DOT1L: variants seen among roughly 807,000 people sequenced by gnomAD.
DOT1L encodes histone-lysine N-methyltransferase, H3 lysine-79 specific.
DOT1L carries 33 observed loss-of-function variants against 153.3 expected under a neutral mutation model. That is an observed-to-expected ratio of 0.22 (90% CI 0.16 to 0.29). DOT1L has a LOEUF of 0.29. DOT1L is among the 10% of genes least tolerant of loss of function. The pLI is 1.00. For synonymous variants in DOT1L, 1,135 were observed against 965.1 expected, an observed-to-expected ratio of 1.18 and a Z score of -3.26; for missense variants, 1,847 against 2,119.9, an observed-to-expected ratio of 0.87 and a Z score of 2.53.
chr19:2,173,588 C>A (rs1202079895), intron 1 of DOT1L, among the ~76,000 whole-genome samples: 1 of 152,232 alleles, frequency 6.6e-6, no homozygotes, highest in Non-Finnish European at 1.5e-5. Flanking sequence ...TGCAGACACT[C>A]ACTGGAGGCC....
At chr19:2,187,384 C>A (rs1205155234) in intron 3 of DOT1L, among the ~76,000 whole-genome samples, 1 of 152,242 alleles carries the variant, frequency 6.6e-6, no homozygotes, top group Non-Finnish European at 1.5e-5. Flanking sequence ...CGTCCTTCCT[C>A]TTCGCGTGGG....
intron 9 of DOT1L, among the ~76,000 whole-genome samples, chr19:2,205,096 G>A (rs1336011020): frequency 1.3e-5 from 2 of 151,762 alleles, no homozygotes; most frequent in Non-Finnish European, 2.9e-5. Flanking sequence ...TCAGCCTCCC[G>A]AGTAGCTGGG....
At chr19:2,195,715 CAG>C (rs1481667686) in intron 7 of DOT1L, among the ~76,000 whole-genome samples, 3 of 152,150 alleles carry the variant, frequency 2.0e-5, no homozygotes, top group Admixed American at 6.5e-5. Context: ...GACGATGGCA[CAG>C]GGGTTGCCAA....
chr19:2,227,271 G>A (rs763875708), intron 27 of DOT1L, 144 bp downstream of exon 27: 18 of 1,066,836 alleles, frequency 1.7e-5, no homozygotes, highest in South Asian at 2.6e-5. Context: ...ATCCGTGCAC[G>A]GTGGCGAACT....
intron 8 of DOT1L, among the ~76,000 whole-genome samples, chr19:2,202,141 A>G (rs561873363): frequency 2.0e-4 from 30 of 152,324 alleles, no homozygotes; most frequent in African/African-American, 7.0e-4. Flanking sequence ...GGGCAGCCCA[A>G]GGAGCCTCGT....
chr19:2,194,666 G>GGCACATGGCTGTTC, intron 7 of DOT1L, 89 bp downstream of exon 7: 1 of 1,345,304 alleles, frequency 7.4e-7, no homozygotes, highest in Non-Finnish European at 1.0e-6. Flanking sequence ...TGCCGATGTT[G>GGCACATGGCTGTTC]GCACATGGCT....
intron 2 of DOT1L, among the ~76,000 whole-genome samples, chr19:2,181,498 C>G (rs945486809): frequency 6.6e-6 from 1 of 152,242 alleles, no homozygotes; most frequent in African/African-American, 2.4e-5. Context: ...TCCTGAGGCC[C>G]TGTAGTTCAG....
At position 2,184,864 on chromosome 19, in the gene DOT1L, C is replaced by T. The variant is rs80059060; in HGVS notation, c.126-991C>T. On this transcript the variant is annotated intron_variant, in intron 2 of 27. Coordinates refer to ENST00000398665, the MANE Select transcript of DOT1L (RefSeq NM_032482.3). Reference sequence around the variant, plus strand: ...TGTGTGTGGTTGTGAGGTGCCGCTGCGGTTTCCTCACGTTTTTAAGGGATA... The same window carrying T: ...TGTGTGTGGTTGTGAGGTGCCGCTGTGGTTTCCTCACGTTTTTAAGGGATA... Among the ~76,000 whole-genome samples, 23 of 152,278 alleles carry T rather than the reference C, an allele frequency of 1.5e-4. No homozygotes were observed. In the East Asian group the frequency reaches 3.1e-3, roughly 20 times the overall value.
chr19:2,170,645 G>C lies in DOT1L; in HGVS notation c.81+6380G>C, dbSNP rs545094089. On this transcript the variant is annotated intron_variant, in intron 1 of 27. Coordinates refer to ENST00000398665, the MANE Select transcript of DOT1L (RefSeq NM_032482.3). ...TTTCCATGCCAGTTAGAGGCCTCACGTTGTGACCTGTGCTTCTGAGTGACC... is the reference window on the plus strand; with the variant it reads ...TTTCCATGCCAGTTAGAGGCCTCACCTTGTGACCTGTGCTTCTGAGTGACC... 3.3e-5 allele frequency among the ~76,000 whole-genome samples: 5 copies of C among 152,302 alleles called. No homozygotes were observed. In the Middle Eastern group the frequency reaches 0.017, roughly 518 times the overall value.
At chr19:2,213,253 C>T (rs1599597924) in intron 16 of DOT1L, 1 of 359,692 alleles carries the variant, frequency 2.8e-6, no homozygotes, top group Middle Eastern at 8.1e-4. Flanking sequence ...TTGGCATTGG[C>T]CGGCCTCTGC....
chr19:2,170,347 C>G (rs760615974), intron 1 of DOT1L, among the ~76,000 whole-genome samples: 15 of 152,110 alleles, frequency 9.9e-5, no homozygotes, highest in Non-Finnish European at 1.9e-4. Context: ...TCTCTCTGGA[C>G]CTGATGCATT....
At position 2,211,855 on chromosome 19, in the gene DOT1L, C is replaced by T. The variant is rs761550015; in HGVS notation, c.1557+13C>T. On this transcript the variant is annotated intron_variant, in intron 16 of 27. Coordinates refer to ENST00000398665, the MANE Select transcript of DOT1L (RefSeq NM_032482.3). ...GGGCCAGGAGAAGGTGGGTCCTGGC[C>T]CCCTTGGCATTCCGCCTTCCCGCAC... The T allele has an allele frequency of 2.6e-6, 4 of 1,554,540 alleles. 1 individual carries two copies. Among genetic ancestry groups the T allele is most frequent in the Middle Eastern group, 3.3e-4 (2 of 5,988 alleles).
At chr19:2,165,199 T>C (rs1315624705) in intron 1 of DOT1L, among the ~76,000 whole-genome samples, 1 of 152,114 alleles carries the variant, frequency 6.6e-6, no homozygotes, top group African/African-American at 2.4e-5. Flanking sequence ...AAGCAGGCGC[T>C]GTCAGCGAGC....
At chr19:2,198,423 G>T (rs1179272755) in intron 7 of DOT1L, among the ~76,000 whole-genome samples, 1 of 151,886 alleles carries the variant, frequency 6.6e-6, no homozygotes, top group Non-Finnish European at 1.5e-5. Context: ...AGCTGCTCCT[G>T]GCCGGGGCGG....
At chr19:2,187,148 C>T (rs2022549903) in intron 3 of DOT1L, among the ~76,000 whole-genome samples, 1 of 152,214 alleles carries the variant, frequency 6.6e-6, no homozygotes, top group African/African-American at 2.4e-5. Flanking sequence ...CAAGTCGCTT[C>T]CTTACAACAG....
In DOT1L at chr19:2,226,992, T is replaced by G. The variant is rs1055794648; in HGVS notation, c.4471T>G (p.Ser1491Ala). Residue 1491 changes from serine to alanine, a missense_variant, in exon 27 of 28, where the codon TCC becomes GCC. Transcript: ENST00000398665. ...LQANLGSVAGSSVLQSLFSSV... is the reference protein window; with the variant it reads ...LQANLGSVAGASVLQSLFSSV... Reference sequence around the variant, plus strand: ...GGCCAACCTCGGCTCCGTGGCCGGCTCCTCCGTGCTGCAGTCGCTGTTCAG... The same window carrying G: ...GGCCAACCTCGGCTCCGTGGCCGGCGCCTCCGTGCTGCAGTCGCTGTTCAG... 3 of 1,591,338 alleles carry G rather than the reference T, an allele frequency of 1.9e-6. No individual in the cohort carries two copies. The highest frequency in any genetic ancestry group is 3.4e-5 in the Admixed American group (2 of 59,432).
At chr19:2,169,487 G>A (rs953913547) in intron 1 of DOT1L, among the ~76,000 whole-genome samples, 1 of 152,146 alleles carries the variant, frequency 6.6e-6, no homozygotes, top group Non-Finnish European at 1.5e-5. Context: ...GGACACTCCA[G>A]CCTAGCCTCT....
rs145029804 is a variant in DOT1L at position 2,198,742 on chromosome 19, T to A, written c.652-1142T>A. Among the ~76,000 whole-genome samples the A allele has an allele frequency of 6.9e-3, 1,047 of 152,292 alleles. 16 individuals are homozygous for A. The highest frequency in any genetic ancestry group is 0.022 in the African/African-American group (909 of 41,560). On this transcript the variant is annotated intron_variant, in intron 7 of 27. Coordinates refer to ENST00000398665, the MANE Select transcript of DOT1L (RefSeq NM_032482.3). ...CCCCCAACTACTCCAGCCCCCAGCA[T>A]GAATCCCCTTCCTGTCTCTGGATGG...
At chr19:2,179,749 G>A (rs1288973953) in intron 1 of DOT1L, among the ~76,000 whole-genome samples, 1 of 152,122 alleles carries the variant, frequency 6.6e-6, no homozygotes, top group Non-Finnish European at 1.5e-5. Flanking sequence ...GGAGGTTGCA[G>A]TGAGCCGAGA....
Sources: gnomAD v4.1 joint callset for allele counts (sites outside exome capture counted in the v4.1 genomes callset) on GRCh38, gnomAD v4.1.1 for gene constraint, MANE v1.5 for transcripts, NCBI Gene and HGNC (gene_info 2026-07-23, HGNC 2026-07-21) for gene names.